Variants in ADGRB3 observed in about 807,000 individuals in gnomAD.
The protein encoded by ADGRB3 is brain-specific angiogenesis inhibitor 3.
Under a neutral mutation model 193.4 loss-of-function variants are expected in ADGRB3, and 37 were observed. That is an observed-to-expected ratio of 0.19 (90% confidence interval 0.15 to 0.25). The LOEUF (loss-of-function observed/expected upper bound fraction) is 0.25, where lower values mean the gene tolerates loss of function less well. ADGRB3 is among the 10% of genes least tolerant of loss of function. The pLI is 1.00. For missense variants in ADGRB3, 1,637 were observed against 1,852.9 expected (o/e 0.88, Z 2.14); for synonymous variants, 690 against 644.2 (o/e 1.07, Z -1.08).
chr6:69,224,205 G>GT (rs1233832419), intron 17 of ADGRB3, among the ~76,000 whole-genome samples: 1 of 152,016 alleles, frequency 6.6e-6, no homozygotes, highest in Non-Finnish European at 1.5e-5. Flanking sequence ...AGCCATTAGA[G>GT]TCAGGAAGTG....
chr6:69,256,951 T>C (rs1205734644), intron 20 of ADGRB3, among the ~76,000 whole-genome samples: 5 of 149,560 alleles, frequency 3.3e-5, no homozygotes, highest in Non-Finnish European at 6.0e-5. Context: ...TCTGCATCTA[T>C]TGAGATAATC....
At chr6:69,268,588 G>T (rs1236967954) in intron 20 of ADGRB3, among the ~76,000 whole-genome samples, 1 of 152,126 alleles carries the variant, frequency 6.6e-6, no homozygotes, top group Non-Finnish European at 1.5e-5. Flanking sequence ...ACATACTCTG[G>T]CCTGGGGGCC....
At chr6:69,024,138 G>A (rs1049545121) in intron 13 of ADGRB3, among the ~76,000 whole-genome samples, 5 of 152,098 alleles carry the variant, frequency 3.3e-5, no homozygotes, top group Admixed American at 3.3e-4. Context: ...GACGTAAGGT[G>A]ATATCTACGT....
At chr6:69,222,181 T>G (rs1024959550) in intron 17 of ADGRB3, among the ~76,000 whole-genome samples, 1 of 152,172 alleles carries the variant, frequency 6.6e-6, no homozygotes, top group African/African-American at 2.4e-5. Context: ...TTCATGTCAC[T>G]TAACCCCTCT....
rs1265640941 is a variant in ADGRB3 at position 69,048,228 on chromosome 6, C to T, written c.2151C>T (p.Asp717=). The T allele has an allele frequency of 1.9e-6, 3 of 1,613,552 alleles. No homozygotes were observed. Among genetic ancestry groups the T allele is most frequent in the Middle Eastern group, 1.7e-4 (1 of 6,056 alleles). The change falls in exon 14 of 32, where the codon GAC becomes GAT. Residue 717 remains aspartate, a synonymous_variant. Coordinates refer to ENST00000370598, the MANE Select transcript of ADGRB3 (RefSeq NM_001704.3). ...QKLPAASVLT[D]INFPMKGRKG... ...TTCCTGCAGCCTCTGTTCTAACAGA[C>T]ATCAACTTTCCAATGAAAGGACGGA...
At chr6:68,724,535 A>G (rs1359441803) in intron 3 of ADGRB3, among the ~76,000 whole-genome samples, 1 of 151,632 alleles carries the variant, frequency 6.6e-6, no homozygotes. Flanking sequence ...CAAAATTTGT[A>G]TTAGAAGTAA....
intron 24 of ADGRB3, among the ~76,000 whole-genome samples, chr6:69,334,766 G>T (rs946299081): frequency 6.6e-6 from 1 of 152,044 alleles, no homozygotes; most frequent in Non-Finnish European, 1.5e-5. Context: ...AAACAACATC[G>T]ACAATAAAAT....
At chr6:69,334,147 G>A (rs1272040485) in intron 24 of ADGRB3, among the ~76,000 whole-genome samples, 1 of 151,462 alleles carries the variant, frequency 6.6e-6, no homozygotes, top group Non-Finnish European at 1.5e-5. Context: ...TTTTCTTTGT[G>A]TCCTTCCCTA....
At chr6:68,952,306 C>A (rs988100370) in intron 6 of ADGRB3, among the ~76,000 whole-genome samples, 1 of 151,868 alleles carries the variant, frequency 6.6e-6, no homozygotes, top group African/African-American at 2.4e-5. Context: ...ATATTTGACA[C>A]TAAAAATTAT....
chr6:68,877,138 T>G (rs1765615963), intron 3 of ADGRB3, among the ~76,000 whole-genome samples: 1 of 152,048 alleles, frequency 6.6e-6, no homozygotes, highest in African/African-American at 2.4e-5. Context: ...ACTTAATGGG[T>G]AGCCTTTATA....
intron 17 of ADGRB3, among the ~76,000 whole-genome samples, chr6:69,154,566 C>T (rs1373299130): frequency 6.6e-6 from 1 of 152,180 alleles, no homozygotes; most frequent in East Asian, 1.9e-4. Flanking sequence ...TATACTTCCT[C>T]CTTTGCCTGG....
At chr6:68,830,646 A>G (rs1767934386) in intron 3 of ADGRB3, among the ~76,000 whole-genome samples, 1 of 152,188 alleles carries the variant, frequency 6.6e-6, no homozygotes, top group African/African-American at 2.4e-5. Context: ...ATTATCCAGC[A>G]GAAGAAGTCA....
chr6:68,935,549 A>G lies in ADGRB3; in HGVS notation c.869-970A>G, dbSNP rs1249189775. ...CATTTCACCTACAAATTTTTTTTCA[A>G]TGACTAAATGGTTAACTTAAGTAGT... On this transcript the variant is annotated intron_variant, in intron 4 of 31. Coordinates refer to ENST00000370598, the MANE Select transcript of ADGRB3 (RefSeq NM_001704.3). Among the ~76,000 whole-genome samples, 7 of 152,178 alleles carry G rather than the reference A, an allele frequency of 4.6e-5. No homozygotes were observed. In the East Asian group the frequency reaches 1.2e-3, roughly 25 times the overall value.
At chr6:69,188,250 C>CT (rs59672215) in intron 17 of ADGRB3, among the ~76,000 whole-genome samples, 279 of 151,924 alleles carry the variant, frequency 1.8e-3, no homozygotes, top group African/African-American at 6.2e-3. Context: ...CATAAAATGC[C>CT]TTTTTTTTCT....
intron 17 of ADGRB3, among the ~76,000 whole-genome samples, chr6:69,184,125 T>C (rs1441818311): frequency 1.3e-5 from 2 of 152,112 alleles, no homozygotes; most frequent in Non-Finnish European, 2.9e-5. Flanking sequence ...AAAAAAGAAA[T>C]GGATACATCA....
At chr6:69,233,462 AT>A in intron 18 of ADGRB3, 46 bp downstream of exon 18, 4 of 1,610,096 alleles carry the variant, frequency 2.5e-6, no homozygotes, top group Non-Finnish European at 3.4e-6. Flanking sequence ...AGACAGGGAT[AT>A]TGTGGCTAGT....
intron 3 of ADGRB3, among the ~76,000 whole-genome samples, chr6:68,881,352 A>T (rs1765724079): frequency 6.6e-6 from 1 of 152,006 alleles, no homozygotes; most frequent in Non-Finnish European, 1.5e-5. Flanking sequence ...CTGATTTTCC[A>T]CCTTCAATAT....
At chr6:69,361,827 AAAAT>A (rs1011553343) in intron 29 of ADGRB3, among the ~76,000 whole-genome samples, 28 of 151,744 alleles carry the variant, frequency 1.8e-4, no homozygotes, top group South Asian at 8.4e-4. Context: ...AAAATAAAAT[AAAAT>A]AAATAAATAA....
chr6:69,220,540 A>C (rs992692989), intron 17 of ADGRB3, among the ~76,000 whole-genome samples: 1 of 152,164 alleles, frequency 6.6e-6, no homozygotes, highest in African/African-American at 2.4e-5. Flanking sequence ...GAGCAGTAGC[A>C]GGCTGAAACT....
Sources: allele counts gnomAD v4.1 joint callset (sites outside exome capture counted in the v4.1 genomes callset), GRCh38; gene constraint gnomAD v4.1.1; transcripts MANE v1.5; gene names NCBI Gene and HGNC (gene_info 2026-07-23, HGNC 2026-07-21).